The following EVC2 variants were observed in gnomAD, a reference collection of about 807,000 sequenced individuals.
The protein encoded by EVC2 is limbin.
EVC2 carries 148 observed loss-of-function variants against 149.3 expected under a neutral mutation model. That is an observed-to-expected ratio of 0.99 (90% CI 0.87 to 1.14). EVC2 has a LOEUF of 1.14. EVC2 is among the 50% of genes most tolerant of loss of function. The pLI, the probability that EVC2 is intolerant of heterozygous loss-of-function variation, is 0.00. For synonymous variants in EVC2, 776 were observed against 649.9 expected (o/e 1.19, Z -2.95); for missense variants, 1,854 against 1,627.3 (o/e 1.14, Z -2.40).
At chr4:5,616,146 T>G (rs1715230737) in intron 15 of EVC2, among the ~76,000 whole-genome samples, 1 of 151,984 alleles carries the variant, frequency 6.6e-6, no homozygotes, top group Non-Finnish European at 1.5e-5. Context: ...TTGGGAGGAT[T>G]TACACCATGG....
In EVC2 at chr4:5,640,487, A is replaced by T; in HGVS notation, c.1470+27T>A. ...CAAATCCCTGAGAGAAAGGGAAGTG[A>T]ACGCCTTCCTTTCAGACCTGTCTTA... On this transcript the variant is annotated intron_variant, in intron 10 of 21. Transcript: ENST00000344408. This position sits in a 1 kb window ranked among gnomAD's most constrained non-coding sequence, Gnocchi z 4.6. 1.9e-6 allele frequency: 3 copies of T among 1,612,630 alleles called. No individual in the cohort carries two copies. Among genetic ancestry groups the T allele is most frequent in the Non-Finnish European group, 2.5e-6 (3 of 1,178,726 alleles).
chr4:5,599,469 G>A (rs1713778600), intron 16 of EVC2, among the ~76,000 whole-genome samples: 1 of 151,662 alleles, frequency 6.6e-6, no homozygotes, highest in Non-Finnish European at 1.5e-5. Flanking sequence ...ACTATCGCAA[G>A]AACAAAAAAC....
Position 5,708,485 on chromosome 4 carries a change from G to C in EVC2, c.29C>G (p.Pro10Arg), listed in dbSNP as rs767618685. Reference protein sequence around the residue: MDPSGSRGRPTWVLAGGLLA... With the variant: MDPSGSRGRRTWVLAGGLLA... ...GAGACCCCCGGCCAGCACCCACGTG[G>C]GGCGCCCCCGGGAGCCCGAGGGGTC... The change falls in exon 1 of 22, where the codon CCC becomes CGC. Residue 10 changes from proline to arginine, a missense_variant. By Grantham distance (103) the Pro-to-Arg change is moderately radical. Coordinates refer to ENST00000344408, the MANE Select transcript of EVC2 (RefSeq NM_147127.5). The C allele has an allele frequency of 6.7e-7, 1 of 1,484,032 alleles. No homozygotes were observed. Among genetic ancestry groups the C allele is most frequent in the South Asian group, 1.3e-5 (1 of 78,222 alleles). 91.9% of individuals were successfully genotyped at this position (1,484,032 alleles called of 1,614,324 possible). A position where few individuals can be genotyped will look rare whatever the true frequency, so the allele number is the denominator to read the frequency against.
At chr4:5,554,690 G>A (rs1184652530) in intron 21 of EVC2, among the ~76,000 whole-genome samples, 1 of 152,160 alleles carries the variant, frequency 6.6e-6, no homozygotes, top group East Asian at 1.9e-4. Flanking sequence ...ACTTGTGAAG[G>A]TCACAGCCTG....
intron 9 of EVC2, among the ~76,000 whole-genome samples, chr4:5,649,063 T>C (rs931641469): frequency 6.6e-6 from 1 of 152,208 alleles, no homozygotes; most frequent in African/African-American, 2.4e-5. Flanking sequence ...ATTTTTCCAT[T>C]CCCCTGAAAG....
chr4:5,530,044 G>A, the EVC2 span, among the ~76,000 whole-genome samples: 4 of 152,098 alleles, frequency 2.6e-5, no homozygotes, highest in African/African-American at 2.4e-5. Flanking sequence ...TTGAACTCCC[G>A]ACCTCAGGTG....
In EVC2 at chr4:5,649,481, GAGA is replaced by G. The variant is rs1056017711; in HGVS notation, c.1146-8646_1146-8644del. 1.6e-4 allele frequency among the ~76,000 whole-genome samples: 25 copies of G among 152,278 alleles called. No homozygotes were observed. The East Asian group carries it at 3.9e-3, about 23-fold the overall frequency. ...ATTAGCTACTAATGATAAAAAAAGA[GAGA>G]AGATGACATTAATTCTTCTTTCTTT... is the stretch of plus-strand genomic sequence containing the variant. On this transcript the variant is annotated intron_variant, in intron 9 of 21. Transcript: ENST00000344408.
the EVC2 span, among the ~76,000 whole-genome samples, chr4:5,532,014 C>T: frequency 2.3e-4 from 35 of 151,886 alleles, no homozygotes; most frequent in African/African-American, 7.0e-4. Context: ...TGGGGAATCA[C>T]GACAAGGAAA....
intron 5 of EVC2, among the ~76,000 whole-genome samples, chr4:5,687,388 C>A (rs16837562): frequency 2.2e-3 from 333 of 152,166 alleles, no homozygotes; most frequent in African/African-American, 7.5e-3. Flanking sequence ...CAGCGCCTTC[C>A]TAGGTGGGTG....
intron 7 of EVC2, among the ~76,000 whole-genome samples, chr4:5,667,160 TAC>T (rs1343363365): frequency 7.9e-5 from 12 of 152,166 alleles, no homozygotes; most frequent in African/African-American, 2.6e-4. Flanking sequence ...TGCAAAGAAA[TAC>T]ACACAGTATA....
rs1720103838 is a variant in EVC2, at chr4:5,677,988, C to A, written c.870+3272G>T. On this transcript the variant is annotated intron_variant, in intron 7 of 21. Coordinates refer to ENST00000344408, the MANE Select transcript of EVC2 (RefSeq NM_147127.5). This position sits in a 1 kb window ranked among gnomAD's most constrained non-coding sequence, Gnocchi z 4.3. ...CTGACAGCAGGGCTCTGGAGCCAAA[C>A]TGCTTGGGTTCAAATCCTGGTCCTG... is the stretch of plus-strand genomic sequence containing the variant. 6.6e-6 allele frequency among the ~76,000 whole-genome samples: 1 copy of A among 152,196 alleles called. No individual in the cohort carries two copies. Among genetic ancestry groups the A allele is most frequent in the African/African-American group, 2.4e-5 (1 of 41,458 alleles).
intron 9 of EVC2, among the ~76,000 whole-genome samples, chr4:5,656,719 G>A (rs998619670): frequency 3.9e-5 from 6 of 152,184 alleles, no homozygotes; most frequent in African/African-American, 1.4e-4. Context: ...TTTGAAGGGA[G>A]CATGGCCCTG....
the EVC2 span, among the ~76,000 whole-genome samples, chr4:5,536,051 G>C: frequency 3.3e-5 from 5 of 151,980 alleles, no homozygotes; most frequent in Admixed American, 2.0e-4. Flanking sequence ...TTGGATTCCT[G>C]TGCTTGGAAT....
downstream of EVC2, among the ~76,000 whole-genome samples, chr4:5,558,189 G>A (rs1393617640): frequency 6.6e-6 from 1 of 152,216 alleles, no homozygotes; most frequent in African/African-American, 2.4e-5. Context: ...TCAAGATAGT[G>A]TGGTATTGGT....
At position 5,677,763 on chromosome 4, in the gene EVC2, C is replaced by T. The variant is rs1361961884; in HGVS notation, c.870+3497G>A. Among the ~76,000 whole-genome samples the T allele has an allele frequency of 6.6e-6, 1 of 152,354 alleles. No individual in the cohort carries two copies. Among genetic ancestry groups the T allele is most frequent in the East Asian group, 1.9e-4 (1 of 5,182 alleles). On this transcript the variant is annotated intron_variant, in intron 7 of 21. Coordinates refer to ENST00000344408, the MANE Select transcript of EVC2 (RefSeq NM_147127.5). This position sits in a 1 kb window ranked among gnomAD's most constrained non-coding sequence, Gnocchi z 4.3. Reference sequence around the variant, plus strand: ...ATATTTACCTGTTGAGTGCCACCTACAATGTACCGCACAGTGGGGGACACA... The same window carrying T: ...ATATTTACCTGTTGAGTGCCACCTATAATGTACCGCACAGTGGGGGACACA...
At chr4:5,593,584 G>A (rs1175693840) in intron 16 of EVC2, among the ~76,000 whole-genome samples, 3 of 152,184 alleles carry the variant, frequency 2.0e-5, no homozygotes, top group East Asian at 1.9e-4. Context: ...ATTCTAGGGG[G>A]TGGAGCAAAG....
chr4:5,683,690 C>T (rs1284425595), intron 6 of EVC2, among the ~76,000 whole-genome samples: 1 of 152,214 alleles, frequency 6.6e-6, no homozygotes, highest in Admixed American at 6.5e-5. Flanking sequence ...GCAGGGGAAG[C>T]CACGAGGAAG....
rs1003666269 is a variant in EVC2 at position 5,679,607 on chromosome 4, A to G, written c.870+1653T>C. 1.3e-5 allele frequency among the ~76,000 whole-genome samples: 2 copies of G among 151,960 alleles called. No homozygotes were observed. The highest frequency in any genetic ancestry group is 4.8e-5 in the African/African-American group (2 of 41,370). On this transcript the variant is annotated intron_variant, in intron 7 of 21. Transcript: ENST00000344408. This position sits in a 1 kb window ranked among gnomAD's most constrained non-coding sequence, Gnocchi z 5.1. ...AATAAGTTAATCTTGGCTTACTGTA[A>G]TTTTTTATTTTTTATTTTATTTTAT...
intron 7 of EVC2, among the ~76,000 whole-genome samples, chr4:5,666,731 T>A (rs1719309383): frequency 6.6e-6 from 1 of 152,234 alleles, no homozygotes; most frequent in Non-Finnish European, 1.5e-5. Flanking sequence ...GTCACAGCAT[T>A]ACTCATTGAA....
Sources: gnomAD v4.1 joint callset for allele counts (sites outside exome capture counted in the v4.1 genomes callset) on GRCh38, gnomAD v4.1.1 for gene constraint, Gnocchi (gnomAD v3.1) non-coding constraint, MANE v1.5 for transcripts, NCBI Gene and HGNC (gene_info 2026-07-23, HGNC 2026-07-21) for gene names.